Variants in NDUFAF6 observed in about 807,000 individuals in gnomAD.
NDUFAF6 encodes the protein NADH dehydrogenase (ubiquinone) complex I, assembly factor 6.
In NDUFAF6, 45 loss-of-function variants were observed where a neutral mutation model predicts 40.8. That is an observed-to-expected ratio of 1.10 (90% CI 0.87 to 1.42). The LOEUF (loss-of-function observed/expected upper bound fraction) is 1.42, where lower values mean the gene tolerates loss of function less well. Among genes scored for constraint, NDUFAF6 ranks in the 40% most tolerant of loss-of-function variants. The pLI is 0.00. For synonymous variants in NDUFAF6, 185 were observed against 155.9 expected (o/e 1.19, Z -1.39); for missense variants, 435 against 418.5 (o/e 1.04, Z -0.34).
At chr8:94,897,059 C>T (rs1299021880) in intron 1 of NDUFAF6, among the ~76,000 whole-genome samples, 1 of 152,144 alleles carries the variant, frequency 6.6e-6, no homozygotes, top group Non-Finnish European at 1.5e-5. Context: ...AAAGGTCTAA[C>T]AGCATGATGT....
At chr8:95,038,685 T>C (rs1587072322) in intron 3 of NDUFAF6, among the ~76,000 whole-genome samples, 1 of 151,802 alleles carries the variant, frequency 6.6e-6, no homozygotes, top group East Asian at 1.9e-4. Flanking sequence ...ATATTTTCTT[T>C]TTTTCTTTTT....
chr8:95,098,929 TAAAAAAC>T (rs1335130100), upstream of NDUFAF6, among the ~76,000 whole-genome samples: 1 of 145,422 alleles, frequency 6.9e-6, no homozygotes, highest in East Asian at 2.1e-4. Context: ...CTCAAAAACA[TAAAAAAC>T]AAAAAACAAA....
At position 95,014,402 on chromosome 8, in the gene NDUFAF6, G is replaced by C. The variant is rs527436099; in HGVS notation, c.-83-17593G>C. ...TAAGGAACACCAAGTCAGGGTACCT[G>C]ATGTATAATGAACAAAGTTGGGGGG... is the stretch of plus-strand genomic sequence containing the variant. On this transcript the variant is annotated intron_variant, in intron 2 of 9. Transcript: ENST00000396111. Among the ~76,000 whole-genome samples, 41 of 152,302 alleles carry C rather than the reference G, an allele frequency of 2.7e-4. 1 individual carries two copies. The highest frequency in any genetic ancestry group is 7.9e-4 in the African/African-American group (33 of 41,558).
chr8:95,067,284 A>G (rs1832726189), intron 9 of NDUFAF6: 2 of 151,868 alleles, frequency 1.3e-5, no homozygotes, highest in Non-Finnish European at 2.9e-5. Context: ...AGCTCAGGGC[A>G]GGCATTTTTA....
intron 1 of NDUFAF6, 111 bp downstream of exon 1, chr8:95,025,316 G>T (rs1486710284): frequency 5.3e-6 from 6 of 1,127,324 alleles, no homozygotes; most frequent in African/African-American, 1.6e-5. Flanking sequence ...CGCCTTCCTC[G>T]TGCCCCTCTG....
chr8:95,023,328 A>G (rs1827774688), upstream of NDUFAF6: 1 of 152,282 alleles, frequency 6.6e-6, no homozygotes, highest in Non-Finnish European at 1.5e-5. Context: ...AGGTAATTTC[A>G]GAGAGTAAAA....
At chr8:95,019,592 A>G (rs1431030616) in intron 2 of NDUFAF6, among the ~76,000 whole-genome samples, 4 of 152,238 alleles carry the variant, frequency 2.6e-5, no homozygotes, top group Non-Finnish European at 4.4e-5. Flanking sequence ...TAAAGAAATG[A>G]CAGCTTTGGT....
chr8:94,977,201 A>C (rs1408037646), intron 1 of NDUFAF6, among the ~76,000 whole-genome samples: 1 of 151,688 alleles, frequency 6.6e-6, no homozygotes, highest in African/African-American at 2.4e-5. Flanking sequence ...TTTCTACTAC[A>C]ATAAAAAGTA....
At chr8:95,065,656 C>T (rs901586239) in intron 9 of NDUFAF6, among the ~76,000 whole-genome samples, 2 of 152,162 alleles carry the variant, frequency 1.3e-5, no homozygotes, top group Admixed American at 6.5e-5. Flanking sequence ...CTTATGAGGT[C>T]TACCTTTCCT....
At chr8:95,107,998 G>C (rs1361641348), downstream of NDUFAF6, among the ~76,000 whole-genome samples, 1 of 152,164 alleles carries the variant, frequency 6.6e-6, no homozygotes, top group Non-Finnish European at 1.5e-5. Flanking sequence ...GGAAACATCG[G>C]CTGGCACTTC....
rs1183595902 is a variant in NDUFAF6 at position 95,001,265 on chromosome 8, T to G, written c.-84+20292T>G. Reference sequence around the variant, plus strand: ...CACTGTGCCTGGCCCTCCTTATCTTTTTTTGGATAAAGTTTCTGTATTTAT... The same window carrying G: ...CACTGTGCCTGGCCCTCCTTATCTTGTTTTGGATAAAGTTTCTGTATTTAT... On this transcript the variant is annotated intron_variant, in intron 2 of 9. Coordinates refer to the NDUFAF6 transcript ENST00000396111. 2.6e-5 allele frequency among the ~76,000 whole-genome samples: 4 copies of G among 152,102 alleles called. No homozygotes were observed. In the East Asian group the frequency reaches 5.8e-4, roughly 22 times the overall value.
At chr8:94,913,283 G>GC (rs1049761401) in intron 1 of NDUFAF6, among the ~76,000 whole-genome samples, 1 of 152,074 alleles carries the variant, frequency 6.6e-6, no homozygotes, top group Admixed American at 6.6e-5. Flanking sequence ...AGGACTCGTT[G>GC]CCCCCCATGT....
rs201554384 is a variant in NDUFAF6, at chr8:95,025,540, A to G, written c.197+335A>G. On this transcript the variant is annotated intron_variant, in intron 1 of 8. Coordinates refer to ENST00000396124, the MANE Select transcript of NDUFAF6 (RefSeq NM_152416.4). ...TTAGTTTTAACCACAACGGTAGCCA[A>G]CTTTGAGTTCTTTCTGTGTGCCTGG... 1.6e-4 allele frequency among the ~76,000 whole-genome samples: 24 copies of G among 152,346 alleles called. No individual in the cohort carries two copies. In the East Asian group the frequency reaches 4.4e-3, roughly 28 times the overall value.
chr8:95,111,190 G>A (rs1809991827), intron 4 of NDUFAF6, among the ~76,000 whole-genome samples: 2 of 152,176 alleles, frequency 1.3e-5, no homozygotes, highest in Non-Finnish European at 2.9e-5. Flanking sequence ...AGAGAGGAAT[G>A]AGATTAGAAG....
intron 1 of NDUFAF6, among the ~76,000 whole-genome samples, chr8:94,918,858 C>A (rs1163718898): frequency 2.0e-5 from 3 of 152,206 alleles, no homozygotes; most frequent in Non-Finnish European, 4.4e-5. Flanking sequence ...TGATACAATT[C>A]ATTTCCCTTT....
chr8:95,035,372 A>T, intron 2 of NDUFAF6, 82 bp from the exon 3 acceptor site: 1 of 1,462,282 alleles, frequency 6.8e-7, no homozygotes, highest in Non-Finnish European at 9.6e-7. Context: ...CAGTTACATT[A>T]ACTCAAAAAA....
At chr8:94,933,834 T>G (rs78767404) in intron 1 of NDUFAF6, among the ~76,000 whole-genome samples, 1,353 of 58,972 alleles carry the variant, frequency 0.023, 2 homozygotes, top group Non-Finnish European at 0.028. Context: ...CAGCACTTTG[T>G]GGGGGGGGGG....
At chr8:94,896,203 G>C (rs1817545162) in intron 1 of NDUFAF6, among the ~76,000 whole-genome samples, 1 of 150,826 alleles carries the variant, frequency 6.6e-6, no homozygotes, top group Non-Finnish European at 1.5e-5. Context: ...GGTCCCCGGG[G>C]ACCTGGCCGG....
intron 9 of NDUFAF6, chr8:95,069,105 T>G (rs1020258507): frequency 1.3e-5 from 2 of 151,908 alleles, no homozygotes; most frequent in Non-Finnish European, 2.9e-5. Flanking sequence ...AGTCTCATTG[T>G]CAGTTCATCT....
Sources: allele counts gnomAD v4.1 joint callset (sites outside exome capture counted in the v4.1 genomes callset), GRCh38; gene constraint gnomAD v4.1.1; transcripts MANE v1.5; gene names NCBI Gene and HGNC (gene_info 2026-07-23, HGNC 2026-07-21).